C12orf42: variants seen among roughly 807,000 people sequenced by gnomAD.
The protein encoded by C12orf42 is uncharacterized protein C12orf42.
In C12orf42, 25 loss-of-function variants were observed where a neutral mutation model predicts 21.6. The observed-to-expected ratio is 1.16, with a 90% confidence interval of 0.84 to 1.62. The LOEUF (loss-of-function observed/expected upper bound fraction) is 1.62, where lower values mean the gene tolerates loss of function less well. Ranked by LOEUF, C12orf42 falls within the 40% of genes most tolerant of loss-of-function variation. The pLI is 0.00. For missense variants in C12orf42, 483 were observed against 459.3 expected, an observed-to-expected ratio of 1.05 and a Z score of -0.47; for synonymous variants, 174 against 175.0, an observed-to-expected ratio of 0.99 and a Z score of 0.05.
chr12:103,194,649 A>C, the C12orf42 span, among the ~76,000 whole-genome samples: 2 of 152,200 alleles, frequency 1.3e-5, no homozygotes, highest in East Asian at 3.8e-4. Context: ...TCATAATACA[A>C]ACACTTATGA....
chr12:103,512,658 TG>T, the C12orf42 span, among the ~76,000 whole-genome samples: 4 of 152,278 alleles, frequency 2.6e-5, no homozygotes, highest in Admixed American at 6.5e-5. Flanking sequence ...AATGAGACTT[TG>T]AGAACTCGTA....
At chr12:103,144,228 G>GA in the C12orf42 span, among the ~76,000 whole-genome samples, 3 of 151,368 alleles carry the variant, frequency 2.0e-5, no homozygotes, top group African/African-American at 7.3e-5. Flanking sequence ...TCTGTTAATA[G>GA]AAAAAAAGAA....
chr12:103,354,544 G>A (rs937940389), intron 4 of C12orf42, among the ~76,000 whole-genome samples: 2 of 152,132 alleles, frequency 1.3e-5, no homozygotes, highest in Admixed American at 1.3e-4. Context: ...ATTGTACACT[G>A]TAAGACTTTA....
chr12:103,048,743 T>A, the C12orf42 span, among the ~76,000 whole-genome samples: 2 of 152,200 alleles, frequency 1.3e-5, no homozygotes, highest in Non-Finnish European at 2.9e-5. Context: ...GGATTCCACA[T>A]GCTTCTGGAT....
At chr12:103,288,616 T>C (rs1340545199) in intron 4 of C12orf42, among the ~76,000 whole-genome samples, 1 of 152,180 alleles carries the variant, frequency 6.6e-6, no homozygotes, top group Non-Finnish European at 1.5e-5. Context: ...GAGCACAATA[T>C]TTTTATTTTT....
intron 2 of C12orf42, among the ~76,000 whole-genome samples, chr12:103,457,787 G>T (rs531471776): frequency 6.6e-6 from 1 of 152,094 alleles, no homozygotes; most frequent in Non-Finnish European, 1.5e-5. Context: ...GGCAGGGGGT[G>T]GGGGGAGTCA....
At chr12:103,547,285 C>T in the C12orf42 span, among the ~76,000 whole-genome samples, 3 of 152,098 alleles carry the variant, frequency 2.0e-5, no homozygotes, top group East Asian at 1.9e-4. Flanking sequence ...TCAAGGGCTC[C>T]GCAGACATTT....
At chr12:103,181,889 A>G in the C12orf42 span, among the ~76,000 whole-genome samples, 2 of 152,220 alleles carry the variant, frequency 1.3e-5, no homozygotes, top group Non-Finnish European at 2.9e-5. Context: ...TGACTTTGGG[A>G]AATGCCGTAA....
At chr12:103,292,824 A>G (rs1228180077) in intron 4 of C12orf42, among the ~76,000 whole-genome samples, 1 of 152,128 alleles carries the variant, frequency 6.6e-6, no homozygotes, top group Non-Finnish European at 1.5e-5. Flanking sequence ...TAGTCTATTA[A>G]AAAGGTAAAC....
intron 2 of C12orf42, among the ~76,000 whole-genome samples, chr12:103,405,085 A>T (rs996340148): frequency 9.9e-5 from 15 of 152,204 alleles, no homozygotes; most frequent in African/African-American, 3.1e-4. Flanking sequence ...CTTTTATTCA[A>T]CTGAGCACAT....
chr12:103,092,639 C>G, the C12orf42 span, among the ~76,000 whole-genome samples: 1 of 152,162 alleles, frequency 6.6e-6, no homozygotes, highest in Non-Finnish European at 1.5e-5. Flanking sequence ...ACACTCATCA[C>G]CCAATCTCTA....
At chr12:103,143,351 GC>G in the C12orf42 span, among the ~76,000 whole-genome samples, 4 of 152,304 alleles carry the variant, frequency 2.6e-5, no homozygotes, top group African/African-American at 9.6e-5. Context: ...GCAAAATCTG[GC>G]AGAGGATCTG....
the C12orf42 span, among the ~76,000 whole-genome samples, chr12:103,147,655 G>A: frequency 8.2e-6 from 1 of 121,824 alleles, no homozygotes; most frequent in Admixed American, 9.6e-5. Context: ...ATGTACGACA[G>A]TAACTACTAC....
At chr12:103,355,786 C>T (rs2043491572) in intron 4 of C12orf42, among the ~76,000 whole-genome samples, 1 of 152,066 alleles carries the variant, frequency 6.6e-6, no homozygotes, top group Non-Finnish European at 1.5e-5. Context: ...ATCAAATAGG[C>T]ATTCTTAGTA....
At chr12:103,121,705 G>A in the C12orf42 span, among the ~76,000 whole-genome samples, 24 of 152,232 alleles carry the variant, frequency 1.6e-4, no homozygotes, top group South Asian at 3.9e-3. Context: ...TGATTCACAC[G>A]ACCCTGATGT....
intron 4 of C12orf42, among the ~76,000 whole-genome samples, chr12:103,280,733 C>T (rs1023526786): frequency 6.6e-6 from 1 of 152,208 alleles, no homozygotes; most frequent in African/African-American, 2.4e-5. Flanking sequence ...TTGCTCTGAG[C>T]AGCCAGCACG....
intron 2 of C12orf42, among the ~76,000 whole-genome samples, chr12:103,459,281 T>C (rs1361759454): frequency 6.6e-6 from 1 of 152,236 alleles, no homozygotes; most frequent in East Asian, 1.9e-4. Flanking sequence ...TAATTAGTGA[T>C]AGGGTTTGGA....
At chr12:103,205,153 C>G in the C12orf42 span, among the ~76,000 whole-genome samples, 1 of 152,218 alleles carries the variant, frequency 6.6e-6, no homozygotes, top group East Asian at 1.9e-4. Context: ...GGCTGTGGAA[C>G]AATGGGAACA....
chr12:103,106,985 G>A, the C12orf42 span, among the ~76,000 whole-genome samples: 1 of 151,946 alleles, frequency 6.6e-6, no homozygotes. Context: ...GGCAGATGCA[G>A]CATTATTGAT....
Sources: allele counts gnomAD v4.1 joint callset (sites outside exome capture counted in the v4.1 genomes callset), GRCh38; gene constraint gnomAD v4.1.1; transcripts MANE v1.5; gene names NCBI Gene and HGNC (gene_info 2026-07-23, HGNC 2026-07-21).